Variants in BRCC3 observed in about 807,000 individuals in gnomAD.
The protein encoded by BRCC3 is BRCA1/BRCA2-containing complex subunit 3.
In BRCC3, 15 loss-of-function variants were observed where a neutral mutation model predicts 28.0. The observed-to-expected ratio is 0.54, with a 90% CI of 0.36 to 0.82. The LOEUF (loss-of-function observed/expected upper bound fraction) is 0.82, where lower values mean the gene tolerates loss of function less well. Ranked by LOEUF, BRCC3 falls within the 40% of genes least tolerant of loss-of-function variation. The pLI is 0.01. For missense variants in BRCC3, 109 were observed against 225.9 expected (o/e 0.48, Z 3.32); for synonymous variants, 66 against 80.3 (o/e 0.82, Z 0.95).
At chrX:155,075,275 GC>G (rs2074024165) in intron 3 of BRCC3, among the ~76,000 whole-genome samples, 2 of 111,384 alleles carry the variant, frequency 1.8e-5, no homozygotes, top group Admixed American at 9.4e-5. Flanking sequence ...ATCTGATAAT[GC>G]TAAGCCCACT....
chrX:155,095,448 G>T (rs188341842), intron 7 of BRCC3, among the ~76,000 whole-genome samples: 6 of 110,389 alleles, frequency 5.4e-5, no homozygotes, highest in African/African-American at 2.0e-4. Context: ...TTACAGGCGT[G>T]CACCACCATG....
At chrX:155,117,945 C>T (rs1557299023) in intron 9 of BRCC3, among the ~76,000 whole-genome samples, 1 of 111,396 alleles carries the variant, frequency 9.0e-6, no homozygotes, top group African/African-American at 3.3e-5. Flanking sequence ...AAATAGATTC[C>T]TACCTAATAC....
intron 6 of BRCC3, among the ~76,000 whole-genome samples, chrX:155,089,924 A>G (rs893103528): frequency 8.0e-5 from 9 of 111,813 alleles, no homozygotes; most frequent in Non-Finnish European, 1.1e-4. Flanking sequence ...TTAGGAAGAT[A>G]TTGCTGTAAT....
chrX:155,099,612 G>A (rs1557296671), intron 7 of BRCC3, among the ~76,000 whole-genome samples: 2 of 112,015 alleles, frequency 1.8e-5, no homozygotes, highest in African/African-American at 6.5e-5. Context: ...AAGTGAGAAT[G>A]CGCATTTGGA....
intron 5 of BRCC3, among the ~76,000 whole-genome samples, chrX:155,083,080 C>T (rs1333086476): frequency 8.9e-6 from 1 of 112,425 alleles, no homozygotes; most frequent in Non-Finnish European, 1.9e-5. Context: ...CTCAAACTAA[C>T]ATTTTCATGC....
intron 6 of BRCC3, among the ~76,000 whole-genome samples, chrX:155,090,078 C>G (rs1324701591): frequency 2.7e-5 from 3 of 112,224 alleles, no homozygotes; most frequent in Non-Finnish European, 3.8e-5. Flanking sequence ...TTATTAGGTG[C>G]TTTACGTAAA....
intron 7 of BRCC3, among the ~76,000 whole-genome samples, chrX:155,110,637 C>T (rs781883230): frequency 1.8e-5 from 2 of 109,849 alleles, no homozygotes; most frequent in Non-Finnish European, 3.8e-5. Context: ...CCATAAATGT[C>T]CCTTTAAGCA....
At chrX:155,086,161 A>G (rs1262580155) in intron 5 of BRCC3, among the ~76,000 whole-genome samples, 1 of 111,269 alleles carries the variant, frequency 9.0e-6, no homozygotes, top group Non-Finnish European at 1.9e-5. Flanking sequence ...CTGACGTCCA[A>G]GCTAACAGCC....
chrX:155,085,052 A>G (rs1442693464), intron 5 of BRCC3, among the ~76,000 whole-genome samples: 5 of 112,039 alleles, frequency 4.5e-5, no homozygotes, highest in African/African-American at 1.6e-4. Flanking sequence ...TGGCCTCCAC[A>G]TGTAATTTTG....
At chrX:155,107,662 C>G (rs782501993) in intron 7 of BRCC3, among the ~76,000 whole-genome samples, 1 of 111,794 alleles carries the variant, frequency 8.9e-6, no homozygotes, top group East Asian at 2.8e-4. Flanking sequence ...AAATCATATA[C>G]TTCCTTTTTG....
At chrX:155,074,681 C>T (rs1557293177) in intron 3 of BRCC3, among the ~76,000 whole-genome samples, 2 of 112,212 alleles carry the variant, frequency 1.8e-5, no homozygotes, top group African/African-American at 6.5e-5. Flanking sequence ...TTTTATTATT[C>T]AAGATTTCAT....
intron 5 of BRCC3, among the ~76,000 whole-genome samples, chrX:155,079,846 A>T (rs183964913): frequency 7.9e-4 from 88 of 111,334 alleles, no homozygotes; most frequent in African/African-American, 2.8e-3. Context: ...CTGAAGTATT[A>T]GATTAAGTTG....
At chrX:155,089,181 A>C (rs782041937) in intron 5 of BRCC3, 82 bp from the exon 6 acceptor site, 13 of 657,021 alleles carry the variant, frequency 2.0e-5, no homozygotes, top group Non-Finnish European at 2.8e-5. Context: ...TTATCTTTAA[A>C]TCTTTAAGTC....
At chrX:155,099,166 A>C (rs1557296583) in intron 7 of BRCC3, 2 of 668,518 alleles carry the variant, frequency 3.0e-6, no homozygotes, top group African/African-American at 4.8e-5. Flanking sequence ...AAATTTAAAT[A>C]AGAAATAAAA....
intron 7 of BRCC3, among the ~76,000 whole-genome samples, chrX:155,107,115 C>A (rs887497528): frequency 6.3e-4 from 70 of 110,672 alleles, no homozygotes; most frequent in African/African-American, 2.2e-3. Context: ...CCCAACCTTA[C>A]TACTTTTTCT....
intron 7 of BRCC3, among the ~76,000 whole-genome samples, chrX:155,110,455 G>GGC (rs1557298011): frequency 6.3e-5 from 7 of 111,001 alleles, no homozygotes; most frequent in Non-Finnish European, 1.3e-4. Flanking sequence ...ATTTATCCTA[G>GGC]AACTTTAGTT....
In BRCC3 at chrX:155,116,085, A is replaced by G. The variant is rs1006830070; in HGVS notation, c.577A>G (p.Ile193Val). Residue 193 changes from isoleucine (I) to valine (V), a missense_variant, in exon 8 of 11, where the codon ATT becomes GTT. Physicochemically the swap from Ile to Val is conservative, Grantham distance 29. Around this residue, in one of 3 missense-constraint regions of BRCC3, gnomAD observed 50 missense variants for 115.2 expected, o/e 0.43. Transcript: ENST00000330045. ...TGAGAGAATCGAAATCCCAATCCAT[A>G]TTGTACCTCATGTCACTATCGGGAA... ...EYERIEIPIH[I>V]VPHVTIGKVC... The G allele has an allele frequency of 1.7e-6, 2 of 1,208,326 alleles. No individual in the cohort carries two copies. The highest frequency in any genetic ancestry group is 2.2e-6 in the Non-Finnish European group (2 of 893,664).
At position 155,086,870 on chromosome X, in the gene BRCC3, C is replaced by T. The variant is rs190482219; in HGVS notation, c.404-2393C>T. 1.7e-4 allele frequency among the ~76,000 whole-genome samples: 19 copies of T among 112,160 alleles called. No homozygotes were observed. In the East Asian group the frequency reaches 2.8e-3, roughly 17 times the overall value. Reference sequence around the variant, plus strand: ...CCCAAAGATGGCCAGGCTAATGCTCCGATGTCATTAAAGCATCTCATACCT... The same window carrying T: ...CCCAAAGATGGCCAGGCTAATGCTCTGATGTCATTAAAGCATCTCATACCT... On this transcript the variant is annotated intron_variant, in intron 5 of 10. Transcript: ENST00000330045.
chrX:155,074,697 C>T (rs782709054), intron 3 of BRCC3, among the ~76,000 whole-genome samples: 26 of 112,206 alleles, frequency 2.3e-4, no homozygotes, highest in South Asian at 3.6e-4. Context: ...TTCATGCCCT[C>T]GTCTTGAGTT....
Sources: allele counts gnomAD v4.1 joint callset (sites outside exome capture counted in the v4.1 genomes callset), GRCh38; gene constraint gnomAD v4.1.1; regional missense constraint gnomAD v4.1.1; transcripts MANE v1.5; gene names NCBI Gene and HGNC (gene_info 2026-07-23, HGNC 2026-07-21).